Variants in USP43 observed in about 807,000 individuals in gnomAD.
USP43 encodes the protein ubiquitin specific peptidase 43, also known as ubiquitin carboxyl-terminal hydrolase 43.
Under a neutral mutation model 90.7 loss-of-function variants are expected in USP43, and 33 were observed. The ratio of observed to expected loss-of-function variants is 0.36; its 90% CI spans 0.28 to 0.49. USP43 has a LOEUF of 0.49. USP43 is among the 20% of genes least tolerant of loss of function. The pLI is 0.98. For missense variants in USP43, 1,274 were observed against 1,476.4 expected (o/e 0.86, Z 2.25); for synonymous variants, 598 against 615.8 (o/e 0.97, Z 0.43).
rs138142499 is a variant in USP43, at chr17:9,702,682, C to A, written c.2011+982C>A. 1.6e-4 allele frequency among the ~76,000 whole-genome samples: 24 copies of A among 152,284 alleles called. No homozygotes were observed. The East Asian group carries it at 4.2e-3, about 27-fold the overall frequency. On this transcript the variant is annotated intron_variant, in intron 12 of 14. Coordinates refer to ENST00000285199, the MANE Select transcript of USP43 (RefSeq NM_153210.5). Reference sequence around the variant, plus strand: ...ATTATGTCATTGTTTGCTTCTCCCCCACCAGGGCCTCTCAGTGACGGTGAG... The same window carrying A: ...ATTATGTCATTGTTTGCTTCTCCCCAACCAGGGCCTCTCAGTGACGGTGAG...
chr17:9,688,436 C>T (rs543367648), intron 8 of USP43, among the ~76,000 whole-genome samples: 17 of 151,036 alleles, frequency 1.1e-4, no homozygotes, highest in South Asian at 2.1e-4. Context: ...CTGCAACCTC[C>T]GCCTCCCAGG....
chr17:9,710,082 TC>T lies in USP43; in HGVS notation c.2141del (p.Pro714LeufsTer9). 1 of 1,543,850 alleles carries T rather than the reference TC, an allele frequency of 6.5e-7. No individual in the cohort carries two copies. Among genetic ancestry groups the T allele is most frequent in the Non-Finnish European group, 8.7e-7 (1 of 1,145,582 alleles). Reference protein sequence around the residue: ...YILFYQKRNSIPPWSASSSMR... With the variant: ...YILFYQKRNSXPPWSASSSMR... The stretch of plus-strand genomic sequence containing the variant: ...CTGTTCTATCAGAAGCGGAACAGCA[TC>T]CCTCCCTGGTCAGCCAGCAGCTCCA... On this transcript the variant is annotated frameshift_variant, in exon 13 of 15. Transcript: ENST00000285199. LOFTEE classifies it high-confidence loss of function.
rs1489151153 is a variant in USP43 at position 9,682,885 on chromosome 17, C to G, written c.1168C>G (p.Leu390Val). Residue 390 changes from leucine to valine, a missense_variant, in exon 7 of 15, where the codon CTC (leucine) becomes GTC (valine). Around this residue, in one of 6 missense-constraint regions of USP43, gnomAD observed 253 missense variants for 276.0 expected, o/e 0.92. Coordinates refer to ENST00000285199, the MANE Select transcript of USP43 (RefSeq NM_153210.5). ...AGCCCGTGAGGGCCAGCGATTCTCC[C>G]TCTCTCTCCACAGTGAGAGCAAGGT... Reference protein sequence around the residue: ...LAAREGQRFSLSLHSESKVLI... With the variant: ...LAAREGQRFSVSLHSESKVLI... 1 of 1,613,748 alleles carries G rather than the reference C, an allele frequency of 6.2e-7. No homozygotes were observed. Among genetic ancestry groups the G allele is most frequent in the South Asian group, 1.1e-5 (1 of 91,058 alleles).
intron 14 of USP43, among the ~76,000 whole-genome samples, chr17:9,724,272 C>A (rs2152003025): frequency 6.6e-6 from 1 of 152,232 alleles, no homozygotes; most frequent in Admixed American, 6.5e-5. Flanking sequence ...GTAGCTTTTT[C>A]TTACCTTAAC....
chr17:9,650,836 A>G (rs1348479768), intron 1 of USP43, among the ~76,000 whole-genome samples: 3 of 152,184 alleles, frequency 2.0e-5, no homozygotes, highest in East Asian at 1.9e-4. Context: ...AAGAAATAGC[A>G]TATTTTTAAA....
chr17:9,717,146 G>A (rs947243962), intron 14 of USP43, among the ~76,000 whole-genome samples: 4 of 140,706 alleles, frequency 2.8e-5, no homozygotes, highest in African/African-American at 1.1e-4. Flanking sequence ...GCAACAGAGC[G>A]AGACTCCCTC....
At chr17:9,691,250 G>T (rs1914933329) in intron 8 of USP43, among the ~76,000 whole-genome samples, 1 of 151,530 alleles carries the variant, frequency 6.6e-6, no homozygotes, top group African/African-American at 2.4e-5. Flanking sequence ...GAGTAGCTGG[G>T]ATTACAGGCA....
intron 2 of USP43, among the ~76,000 whole-genome samples, chr17:9,662,979 G>A (rs1234289498): frequency 2.0e-5 from 3 of 151,786 alleles, no homozygotes; most frequent in South Asian, 2.1e-4. Flanking sequence ...CACCACACCC[G>A]GCTAATTTTT....
At chr17:9,669,315 A>G (rs750228527) in intron 3 of USP43, among the ~76,000 whole-genome samples, 7 of 152,230 alleles carry the variant, frequency 4.6e-5, no homozygotes, top group Admixed American at 4.6e-4. Flanking sequence ...CATCGCCAGC[A>G]GGTCGAATTC....
intron 14 of USP43, among the ~76,000 whole-genome samples, chr17:9,718,999 A>T (rs1404792906): frequency 1.3e-5 from 2 of 152,044 alleles, no homozygotes; most frequent in African/African-American, 4.8e-5. Context: ...ACCGTGGCTC[A>T]TGCCTGTAAT....
In USP43 at chr17:9,656,519, G is replaced by A. The variant is rs760898019; in HGVS notation, c.621G>A (p.Gly207=). Residue 207 remains glycine (G), a synonymous_variant, in exon 2 of 15, where the codon GGG becomes GGA. Transcript: ENST00000285199. ...AGGACCTGGAGGGTTCATCCCGAGG[G>A]CCGGTGTCGGAGAAGGTCGGTCACT... The part of the protein sequence containing the change: ...VHEDLEGSSR[G]PVSEKLPPEA... The A allele has an allele frequency of 6.2e-7, 1 of 1,611,356 alleles. No individual in the cohort carries two copies.
At chr17:9,688,140 C>T (rs1914702243) in intron 8 of USP43, among the ~76,000 whole-genome samples, 2 of 151,780 alleles carry the variant, frequency 1.3e-5, no homozygotes. Context: ...CGCCCGCCAC[C>T]ACGCCCAGCT....
intron 5 of USP43, among the ~76,000 whole-genome samples, chr17:9,677,718 T>G (rs558831315): frequency 6.6e-6 from 1 of 152,184 alleles, no homozygotes; most frequent in Non-Finnish European, 1.5e-5. Context: ...ACATGGAAAT[T>G]GACACTTCCC....
chr17:9,715,963 G>A (rs1011545400), intron 14 of USP43, among the ~76,000 whole-genome samples: 1 of 151,250 alleles, frequency 6.6e-6, no homozygotes, highest in African/African-American at 2.4e-5. Flanking sequence ...GTATGTATCT[G>A]TGTATATGTG....
chr17:9,669,309 G>A lies in USP43; in HGVS notation c.740+2558G>A, dbSNP rs559267825. Among the ~76,000 whole-genome samples, 3 of 152,296 alleles carry A rather than the reference G, an allele frequency of 2.0e-5. 1 individual carries two copies. The highest frequency in any genetic ancestry group is 1.9e-4 in the East Asian group (1 of 5,188). ...GAGAGGGGAGAGATCACTGATCATC[G>A]CCAGCAGGTCGAATTCATCTGTGTG... On this transcript the variant is annotated intron_variant, in intron 3 of 14. Coordinates refer to ENST00000285199, the MANE Select transcript of USP43 (RefSeq NM_153210.5).
At chr17:9,688,330 A>ACT (rs1164723288) in intron 8 of USP43, among the ~76,000 whole-genome samples, 6 of 141,420 alleles carry the variant, frequency 4.2e-5, no homozygotes, top group African/African-American at 1.6e-4. Context: ...AGCCATCCTT[A>ACT]CTCTTACCTG....
intron 8 of USP43, among the ~76,000 whole-genome samples, chr17:9,688,792 T>A (rs932215105): frequency 6.6e-6 from 1 of 152,224 alleles, no homozygotes; most frequent in Non-Finnish European, 1.5e-5. Context: ...GCTCAAGTGA[T>A]CCTCCTGCCT....
chr17:9,645,958 C>G lies in USP43; in HGVS notation c.326C>G (p.Thr109Ser). The G allele has an allele frequency of 6.8e-7, 1 of 1,477,202 alleles. No individual in the cohort carries two copies. The highest frequency in any genetic ancestry group is 8.9e-7 in the Non-Finnish European group (1 of 1,117,968). The allele number at this position is 1,477,202 out of a possible 1,614,324, so 91.5% of individuals were successfully genotyped here. Residue 109 changes from threonine (T) to serine (S), a missense_variant, in exon 1 of 15, where the codon ACC becomes AGC. This residue lies in a region of USP43 where 259 missense variants were observed against 373.7 expected (regional missense o/e 0.69). Transcript: ENST00000285199. This position sits in a 1 kb window ranked among gnomAD's most constrained non-coding sequence, Gnocchi z 6.8. ...CAGGGCTTGAAGAACCACGGCAACA[C>G]CTGTTTCATGAACGCGGTGGTGCAG... ...GAQGLKNHGN[T>S]CFMNAVVQCL...
chr17:9,661,201 CTTT>C (rs1336043064), intron 2 of USP43, among the ~76,000 whole-genome samples: 2 of 152,056 alleles, frequency 1.3e-5, no homozygotes, highest in Non-Finnish European at 2.9e-5. Context: ...CTAACACAAT[CTTT>C]TTGTCAGTTT....
Sources: gnomAD v4.1 joint callset for allele counts (sites outside exome capture counted in the v4.1 genomes callset) on GRCh38, gnomAD v4.1.1 for gene constraint, gnomAD v4.1.1 regional missense constraint, Gnocchi (gnomAD v3.1) non-coding constraint, MANE v1.5 for transcripts, NCBI Gene and HGNC (gene_info 2026-07-23, HGNC 2026-07-21) for gene names.